Variants in POLQ observed in about 807,000 individuals in gnomAD.
The protein encoded by POLQ is epididymis secretory sperm binding protein.
In POLQ, 233 loss-of-function variants were observed where a neutral mutation model predicts 259.2. That is an observed-to-expected ratio of 0.90 (90% CI 0.81 to 1.00). The LOEUF is 1.00. POLQ is among the 50% of genes least tolerant of loss of function. POLQ has a pLI of 0.00. For synonymous variants in POLQ, 1,025 were observed against 1,048.8 expected, an observed-to-expected ratio of 0.98 and a Z score of 0.44; for missense variants, 2,871 against 3,051.6, an observed-to-expected ratio of 0.94 and a Z score of 1.39.
intron 14 of POLQ, chr3:121,494,163 C>T (rs1005047061): frequency 9.1e-6 from 9 of 992,818 alleles, no homozygotes; most frequent in Non-Finnish European, 1.3e-5. Context: ...CCCCTGCTGT[C>T]GTGAAGAAGC....
At chr3:121,471,255 G>C (rs559437686) in intron 22 of POLQ, among the ~76,000 whole-genome samples, 2 of 151,936 alleles carry the variant, frequency 1.3e-5, no homozygotes, top group South Asian at 4.1e-4. Flanking sequence ...TTCTGCTTGG[G>C]TAAAATAAGA....
At position 121,481,588 on chromosome 3, in the gene POLQ, C is replaced by T. The variant is rs760207972; in HGVS notation, c.6195G>A (p.Gln2065=). 1.9e-6 allele frequency: 3 copies of T among 1,596,200 alleles called. No individual in the cohort carries two copies. The Admixed American group carries it at 5.2e-5, about 28-fold the overall frequency. ...GGTTTTTACCTTGAAGGTTTTCCTT[C>T]TGCAACAAAGAGTTGAGCTGATTCA... ...NSMNQLNSLL[Q]KENLQDVFRK... Residue 2065 remains glutamine (Q), a synonymous_variant, in exon 19 of 30, where the codon CAG becomes CAA. Transcript: ENST00000264233.
intron 24 of POLQ, among the ~76,000 whole-genome samples, chr3:121,465,234 G>T (rs1228770286): frequency 6.6e-6 from 1 of 151,796 alleles, no homozygotes; most frequent in Non-Finnish European, 1.5e-5. Flanking sequence ...TGGGACTACA[G>T]GTGCGCACCA....
Position 121,460,424 on chromosome 3 carries a change from T to C in POLQ, c.6968-190A>G, listed in dbSNP as rs1346268688. ...AGCTCTGTATCTTAGGTCATTTTTT[T>C]CCATGTAGCTTTCAAGTATATATAA... On this transcript the variant is annotated intron_variant, in intron 24 of 29. Coordinates refer to ENST00000264233, the MANE Select transcript of POLQ (RefSeq NM_199420.4). Among the ~76,000 whole-genome samples, 3 of 152,152 alleles carry C rather than the reference T, an allele frequency of 2.0e-5. No individual in the cohort carries two copies. The East Asian group carries it at 5.8e-4, about 29-fold the overall frequency.
At chr3:121,453,788 C>A (rs1197542544) in intron 25 of POLQ, among the ~76,000 whole-genome samples, 1 of 152,060 alleles carries the variant, frequency 6.6e-6, no homozygotes. Flanking sequence ...GAGAATGGAA[C>A]CAAGTTGGAA....
At chr3:121,493,029 C>T (rs2048081559) in intron 15 of POLQ, among the ~76,000 whole-genome samples, 1 of 152,016 alleles carries the variant, frequency 6.6e-6, no homozygotes, top group Admixed American at 6.6e-5. Flanking sequence ...CAGCCGGGCA[C>T]TTTGGCTCAC....
At chr3:121,480,043 TAAA>T (rs747972471) in intron 19 of POLQ, among the ~76,000 whole-genome samples, 1 of 151,468 alleles carries the variant, frequency 6.6e-6, no homozygotes, top group Non-Finnish European at 1.5e-5. Flanking sequence ...ACCAGAGACG[TAAA>T]AAAGAGAGAC....
intron 9 of POLQ, among the ~76,000 whole-genome samples, chr3:121,519,198 A>T (rs1456875732): frequency 4.6e-5 from 7 of 152,040 alleles, no homozygotes; most frequent in Non-Finnish European, 2.9e-5. Context: ...CATCTGTGAA[A>T]ATTAATTAGT....
intron 12 of POLQ, among the ~76,000 whole-genome samples, chr3:121,501,041 G>A (rs528023303): frequency 1.1e-3 from 162 of 152,268 alleles, no homozygotes; most frequent in African/African-American, 3.8e-3. Flanking sequence ...TCAGCTCACT[G>A]CAACCTCCAC....
At chr3:121,482,383 G>T (rs543085486) in intron 18 of POLQ, among the ~76,000 whole-genome samples, 1 of 152,094 alleles carries the variant, frequency 6.6e-6, no homozygotes, top group East Asian at 1.9e-4. Flanking sequence ...AGCTGGGCAT[G>T]GTGGTGGGCA....
chr3:121,481,502 T>A (rs2108794402), intron 19 of POLQ, 70 bp downstream of exon 19: 2 of 1,392,672 alleles, frequency 1.4e-6, no homozygotes, highest in South Asian at 2.9e-5. Context: ...ATTTACCCAT[T>A]TTTGATAAAG....
At chr3:121,495,125 G>C (rs1220020687) in intron 14 of POLQ, among the ~76,000 whole-genome samples, 2 of 152,108 alleles carry the variant, frequency 1.3e-5, no homozygotes, top group Non-Finnish European at 2.9e-5. Flanking sequence ...TACAAAATTA[G>C]CCAGGCATGG....
chr3:121,459,472 C>T (rs1037689728), intron 25 of POLQ, among the ~76,000 whole-genome samples: 14 of 150,476 alleles, frequency 9.3e-5, no homozygotes, highest in African/African-American at 3.4e-4. Context: ...AGCTCCGCCT[C>T]CTGGGTTCAC....
Position 121,519,858 on chromosome 3 carries a change from C to T in POLQ, c.1468+13G>A. ...TCAGCAATGCTGCTACAATTAAATT[C>T]AAACTCACTTACCTACTGTGTCCAC... On this transcript the variant is annotated intron_variant, in intron 9 of 29. Coordinates refer to ENST00000264233, the MANE Select transcript of POLQ (RefSeq NM_199420.4). 1 of 1,405,984 alleles carries T rather than the reference C, an allele frequency of 7.1e-7. No homozygotes were observed. Among genetic ancestry groups the T allele is most frequent in the Admixed American group, 1.7e-5 (1 of 59,688 alleles). 87.1% of individuals were successfully genotyped at this position (1,405,984 alleles called of 1,614,324 possible). A position where few individuals can be genotyped will look rare whatever the true frequency, so the allele number is the denominator to read the frequency against.
intron 14 of POLQ, among the ~76,000 whole-genome samples, chr3:121,495,607 G>T (rs1034403260): frequency 6.6e-6 from 1 of 151,858 alleles, no homozygotes; most frequent in African/African-American, 2.4e-5. Flanking sequence ...TACTTTAGGA[G>T]GCCGAGGCGG....
rs556468888 is a variant in POLQ, at chr3:121,447,455, G to A, written c.7264+1860C>T. ...TGGGATTACAGGTGTGACCCACCGCGCCTGGCCCACTTTTTAACTTTTTTG... is the reference window on the plus strand; with the variant it reads ...TGGGATTACAGGTGTGACCCACCGCACCTGGCCCACTTTTTAACTTTTTTG... On this transcript the variant is annotated intron_variant, in intron 26 of 29. Coordinates refer to ENST00000264233, the MANE Select transcript of POLQ (RefSeq NM_199420.4). 4.4e-3 allele frequency among the ~76,000 whole-genome samples: 670 copies of A among 152,114 alleles called. 2 individuals carry two copies. The highest frequency in any genetic ancestry group is 8.1e-3 in the Non-Finnish European group (551 of 67,996).
chr3:121,460,655 T>A (rs550958418), intron 24 of POLQ, among the ~76,000 whole-genome samples: 31 of 152,350 alleles, frequency 2.0e-4, no homozygotes, highest in African/African-American at 7.0e-4. Context: ...AACAAATGCT[T>A]GTTGAATGAA....
chr3:121,455,931 A>T (rs2047732744), intron 25 of POLQ, among the ~76,000 whole-genome samples: 1 of 152,212 alleles, frequency 6.6e-6, no homozygotes, highest in African/African-American at 2.4e-5. Flanking sequence ...GACAACCAAA[A>T]AAGAGAATTT....
chr3:121,432,537 A>C, intron 29 of POLQ, 120 bp from the exon 30 acceptor site: 1 of 859,062 alleles, frequency 1.2e-6, no homozygotes. Flanking sequence ...TAAAATGCTA[A>C]ATCAGAAAAA....
Sources: gnomAD v4.1 joint callset for allele counts (sites outside exome capture counted in the v4.1 genomes callset) on GRCh38, gnomAD v4.1.1 for gene constraint, MANE v1.5 for transcripts, NCBI Gene and HGNC (gene_info 2026-07-23, HGNC 2026-07-21) for gene names.